Variants in SELENOF observed in about 807,000 individuals in gnomAD.
SELENOF encodes selenoprotein F, also known as 15 kDa selenoprotein.
SELENOF carries 16 observed loss-of-function variants against 20.5 expected under a neutral mutation model. The observed-to-expected ratio is 0.78, with a 90% CI of 0.53 to 1.19. SELENOF has a LOEUF of 1.19. Ranked by LOEUF, SELENOF falls within the 50% of genes most tolerant of loss-of-function variation. The probability of loss-of-function intolerance (pLI) is 0.00; values close to 1 mark genes in which losing one functional copy is unlikely to be tolerated. For synonymous variants in SELENOF, 78 were observed against 74.5 expected (o/e 1.05, Z -0.24); for missense variants, 215 against 194.2 (o/e 1.11, Z -0.64).
intron 2 of SELENOF, among the ~76,000 whole-genome samples, chr1:86,895,051 A>G (rs1232271379): frequency 6.6e-6 from 1 of 152,206 alleles, no homozygotes; most frequent in East Asian, 1.9e-4. Context: ...AGTTGAAAGG[A>G]CTTAAAAATT....
chr1:86,887,217 A>C (rs753807313), intron 2 of SELENOF: 1 of 1,536,662 alleles, frequency 6.5e-7, no homozygotes, highest in East Asian at 2.5e-5. Context: ...GGGGAAAAAA[A>C]ATCAGCGTTA....
chr1:86,879,356 A>G (rs1187137878), intron 3 of SELENOF, among the ~76,000 whole-genome samples: 2 of 152,186 alleles, frequency 1.3e-5, no homozygotes, highest in Non-Finnish European at 2.9e-5. Context: ...GCAAAAGTAA[A>G]TATCTTCTTT....
intron 4 of SELENOF, 141 bp downstream of exon 4, chr1:86,867,912 T>C (rs1020780428): frequency 2.5e-5 from 10 of 396,788 alleles, no homozygotes; most frequent in African/African-American, 8.3e-5. Flanking sequence ...AAAATTATTT[T>C]TCAGTGAAAT....
intron 1 of SELENOF, among the ~76,000 whole-genome samples, chr1:86,912,590 T>C (rs1660012393): frequency 6.6e-6 from 1 of 152,198 alleles, no homozygotes; most frequent in South Asian, 2.1e-4. Flanking sequence ...ATTGTAGCTT[T>C]TGCTCTTTTG....
intron 2 of SELENOF, among the ~76,000 whole-genome samples, chr1:86,889,104 T>C (rs1218049442): frequency 6.6e-6 from 1 of 152,080 alleles, no homozygotes; most frequent in Non-Finnish European, 1.5e-5. Flanking sequence ...AGTTTCAATA[T>C]TATACAAAAT....
At chr1:86,911,417 C>A (rs571170379) in intron 1 of SELENOF, among the ~76,000 whole-genome samples, 1 of 152,340 alleles carries the variant, frequency 6.6e-6, no homozygotes, top group South Asian at 2.1e-4. Context: ...TCCACTTGTA[C>A]CTTTCTGCTC....
intron 3 of SELENOF, among the ~76,000 whole-genome samples, chr1:86,878,812 G>A (rs1413786721): frequency 2.0e-5 from 3 of 152,052 alleles, no homozygotes; most frequent in Non-Finnish European, 2.9e-5. Flanking sequence ...TCTGAGGGTG[G>A]GAATTTAATA....
At chr1:86,865,597 C>T (rs1658570841) in intron 4 of SELENOF, among the ~76,000 whole-genome samples, 1 of 152,136 alleles carries the variant, frequency 6.6e-6, no homozygotes, top group Non-Finnish European at 1.5e-5. Context: ...ATTAGGATGG[C>T]TACTACCAAA....
intron 4 of SELENOF, among the ~76,000 whole-genome samples, chr1:86,867,654 C>A (rs372548644): frequency 6.6e-6 from 1 of 152,058 alleles, no homozygotes; most frequent in African/African-American, 2.4e-5. Context: ...TAATATTATG[C>A]ATTTGGCAAA....
At chr1:86,877,381 T>C (rs750597859) in intron 3 of SELENOF, among the ~76,000 whole-genome samples, 4 of 152,222 alleles carry the variant, frequency 2.6e-5, no homozygotes, top group Non-Finnish European at 5.9e-5. Flanking sequence ...CTTAAGCATG[T>C]CTACCAATCA....
intron 1 of SELENOF, 91 bp downstream of exon 1, chr1:86,913,937 C>T: frequency 8.1e-7 from 1 of 1,234,396 alleles, no homozygotes; most frequent in South Asian, 1.2e-5. Flanking sequence ...GTCCTCCCCA[C>T]CCTTTTCAAC....
chr1:86,892,831 T>C (rs1659424345), intron 2 of SELENOF, among the ~76,000 whole-genome samples: 3 of 152,226 alleles, frequency 2.0e-5, no homozygotes, highest in Non-Finnish European at 2.9e-5. Context: ...AAGGATTTGG[T>C]AATTTTAAAT....
At chr1:86,867,972 C>T (rs977700521) in intron 4 of SELENOF, 81 bp downstream of exon 4, 6 of 555,914 alleles carry the variant, frequency 1.1e-5, no homozygotes, top group Non-Finnish European at 1.8e-5. Flanking sequence ...TGGGGGAAAC[C>T]ATTTATTCAA....
chr1:86,895,275 C>G (rs573044674), intron 2 of SELENOF, among the ~76,000 whole-genome samples: 48 of 152,074 alleles, frequency 3.2e-4, no homozygotes, highest in African/African-American at 1.1e-3. Flanking sequence ...TTCTTTTACC[C>G]TACTTTGTCA....
intron 2 of SELENOF, among the ~76,000 whole-genome samples, chr1:86,899,796 CG>C: frequency 1.4e-5 from 2 of 144,552 alleles, no homozygotes; most frequent in African/African-American, 5.2e-5. Context: ...TCAGACGGGG[CG>C]GCTGCCGGGC....
intron 4 of SELENOF, among the ~76,000 whole-genome samples, chr1:86,867,509 C>T (rs766122115): frequency 1.1e-4 from 17 of 151,712 alleles, no homozygotes; most frequent in Non-Finnish European, 2.5e-4. Context: ...ACAACAACAA[C>T]AACAACAACA....
intron 2 of SELENOF, among the ~76,000 whole-genome samples, chr1:86,893,640 C>A (rs1659445510): frequency 6.6e-6 from 1 of 151,582 alleles, no homozygotes; most frequent in Non-Finnish European, 1.5e-5. Context: ...AATAAACAAA[C>A]AAATAAATAG....
intron 1 of SELENOF, among the ~76,000 whole-genome samples, chr1:86,906,654 T>C (rs896626427): frequency 6.6e-6 from 1 of 152,206 alleles, no homozygotes; most frequent in African/African-American, 2.4e-5. Context: ...AGGGCCCATG[T>C]AGAGAGCAAC....
chr1:86,869,723 CCTT>C (rs1248734531), intron 3 of SELENOF, among the ~76,000 whole-genome samples: 2 of 151,692 alleles, frequency 1.3e-5, no homozygotes, highest in Non-Finnish European at 2.9e-5. Context: ...TTCCTTCCTT[CCTT>C]CTTTCTTTCT....
Sources: allele counts gnomAD v4.1 joint callset (sites outside exome capture counted in the v4.1 genomes callset), GRCh38; gene constraint gnomAD v4.1.1; transcripts MANE v1.5; gene names NCBI Gene and HGNC (gene_info 2026-07-23, HGNC 2026-07-21).